The following CNTNAP2 variants were observed in gnomAD, a reference collection of about 807,000 sequenced individuals.
CNTNAP2 encodes the protein contactin associated protein 2.
CNTNAP2 carries 98 observed loss-of-function variants against 155.2 expected under a neutral mutation model. The ratio of observed to expected loss-of-function variants is 0.63; its 90% CI spans 0.54 to 0.75. The LOEUF (loss-of-function observed/expected upper bound fraction) is 0.75, where lower values mean the gene tolerates loss of function less well. Among genes scored for constraint, CNTNAP2 ranks in the 30% least tolerant of loss-of-function variants. CNTNAP2 has a pLI of 0.00. For missense variants in CNTNAP2, 1,727 were observed against 1,688.1 expected (o/e 1.02, Z -0.40); for synonymous variants, 651 against 631.2 (o/e 1.03, Z -0.47).
intron 8 of CNTNAP2, among the ~76,000 whole-genome samples, chr7:147,249,759 C>A (rs1285229422): frequency 6.6e-6 from 1 of 151,988 alleles, no homozygotes; most frequent in Non-Finnish European, 1.5e-5. Flanking sequence ...TGATTGAGTC[C>A]AGTTGTGATA....
intron 3 of CNTNAP2, 56 bp downstream of exon 3, chr7:146,839,960 T>C (rs1174102805): frequency 2.5e-6 from 4 of 1,578,788 alleles, no homozygotes; most frequent in East Asian, 2.2e-5. Flanking sequence ...TATTAGAAAA[T>C]GGTACAGGAT....
At chr7:146,318,789 C>T (rs1163607672) in intron 1 of CNTNAP2, among the ~76,000 whole-genome samples, 2 of 151,978 alleles carry the variant, frequency 1.3e-5, no homozygotes, top group Non-Finnish European at 2.9e-5. Flanking sequence ...TACCTGAATA[C>T]TTAAATATGT....
chr7:146,927,691 C>G (rs963922506), intron 3 of CNTNAP2, among the ~76,000 whole-genome samples: 1 of 151,938 alleles, frequency 6.6e-6, no homozygotes, highest in East Asian at 1.9e-4. Flanking sequence ...AATATCTATG[C>G]TAAAAACATC....
intron 4 of CNTNAP2, among the ~76,000 whole-genome samples, chr7:147,084,000 T>TAC (rs1269157659): frequency 7.6e-6 from 1 of 131,196 alleles, no homozygotes; most frequent in African/African-American, 2.7e-5. Flanking sequence ...ATATAATACA[T>TAC]ATATACATAA....
intron 3 of CNTNAP2, among the ~76,000 whole-genome samples, chr7:146,849,762 C>G (rs984723911): frequency 6.6e-6 from 1 of 152,056 alleles, no homozygotes; most frequent in Non-Finnish European, 1.5e-5. Context: ...AGTATTATTA[C>G]GAATGCTATC....
chr7:146,471,731 C>G (rs1336796007), intron 1 of CNTNAP2, among the ~76,000 whole-genome samples: 1 of 152,200 alleles, frequency 6.6e-6, no homozygotes, highest in Non-Finnish European at 1.5e-5. Flanking sequence ...TTAATGATAA[C>G]TATTCAGATA....
chr7:148,075,333 T>C (rs1364106162), intron 15 of CNTNAP2, among the ~76,000 whole-genome samples: 1 of 151,884 alleles, frequency 6.6e-6, no homozygotes, highest in Admixed American at 6.6e-5. Flanking sequence ...GCTCCTCAGA[T>C]GGCTGAGGCA....
intron 8 of CNTNAP2, among the ~76,000 whole-genome samples, chr7:147,245,420 T>C (rs929169653): frequency 3.3e-5 from 5 of 151,982 alleles, no homozygotes; most frequent in African/African-American, 1.2e-4. Flanking sequence ...CACCTCAGCC[T>C]CCACAGAGCA....
At chr7:148,407,484 G>A (rs1250946370) in intron 22 of CNTNAP2, among the ~76,000 whole-genome samples, 1 of 152,048 alleles carries the variant, frequency 6.6e-6, no homozygotes, top group African/African-American at 2.4e-5. Context: ...TGGGAGGATC[G>A]TTTGAGCCCA....
At chr7:146,904,496 G>C (rs149816921) in intron 3 of CNTNAP2, among the ~76,000 whole-genome samples, 3,142 of 152,236 alleles carry the variant, frequency 0.021, 83 homozygotes, top group African/African-American at 0.069. Context: ...GTTTGAGACA[G>C]AGTCTTGCTC....
At chr7:146,184,676 T>C (rs1012199150) in intron 1 of CNTNAP2, among the ~76,000 whole-genome samples, 20 of 152,178 alleles carry the variant, frequency 1.3e-4, no homozygotes, top group African/African-American at 4.6e-4. Context: ...TCATGAAGGA[T>C]GGTTGGAGTT....
intron 1 of CNTNAP2, among the ~76,000 whole-genome samples, chr7:146,247,077 G>C (rs1799672385): frequency 6.6e-6 from 1 of 152,138 alleles, no homozygotes; most frequent in Non-Finnish European, 1.5e-5. Context: ...AGCAGACTGG[G>C]TAATAAAATG....
In CNTNAP2 at chr7:147,220,861, T is replaced by C. The variant is rs181683108; in HGVS notation, c.1349-79280T>C. ...CCCGAGTAGCTGGGATTATAGGCATTCATCACCATGTCTGACTAATTTTTG... is the reference window on the plus strand; with the variant it reads ...CCCGAGTAGCTGGGATTATAGGCATCCATCACCATGTCTGACTAATTTTTG... On this transcript the variant is annotated intron_variant, in intron 8 of 23. Coordinates refer to ENST00000361727, the MANE Select transcript of CNTNAP2 (RefSeq NM_014141.6). Among the ~76,000 whole-genome samples, 399 of 152,050 alleles carry C rather than the reference T, an allele frequency of 2.6e-3. 1 individual carries two copies. The highest frequency in any genetic ancestry group is 9.0e-3 in the African/African-American group (374 of 41,500).
chr7:147,255,772 C>T (rs182174033), intron 8 of CNTNAP2, among the ~76,000 whole-genome samples: 47 of 152,156 alleles, frequency 3.1e-4, no homozygotes, highest in Non-Finnish European at 5.1e-4. Context: ...ATTGAGCCTT[C>T]GTCACCCAGG....
rs897625848 is a variant in CNTNAP2, at chr7:147,167,547, A to G, written c.1348+35038A>G. On this transcript the variant is annotated intron_variant, in intron 8 of 23. Transcript: ENST00000361727. Reference sequence around the variant, plus strand: ...GCATGACTTAGAGGTTCTTCAGACAACTGCTCTCCCAGATGACGATGATGA... The same window carrying G: ...GCATGACTTAGAGGTTCTTCAGACAGCTGCTCTCCCAGATGACGATGATGA... 9 of 825,046 alleles carry G rather than the reference A, an allele frequency of 1.1e-5. No homozygotes were observed. The Admixed American group carries it at 1.7e-4, about 16-fold the overall frequency. 51.1% of individuals were successfully genotyped at this position (825,046 alleles called of 1,614,324 possible).
intron 13 of CNTNAP2, among the ~76,000 whole-genome samples, chr7:147,718,812 A>T (rs1204687367): frequency 6.6e-6 from 1 of 152,200 alleles, no homozygotes. Flanking sequence ...AGCCCAATGT[A>T]ATAATGGCTT....
intron 3 of CNTNAP2, among the ~76,000 whole-genome samples, chr7:146,968,832 T>G (rs1797716384): frequency 1.4e-5 from 2 of 147,618 alleles, no homozygotes; most frequent in Non-Finnish European, 3.0e-5. Flanking sequence ...CTGATTTTAG[T>G]TATTTCTTGC....
At chr7:147,069,961 A>G (rs995033705) in intron 4 of CNTNAP2, among the ~76,000 whole-genome samples, 1 of 152,214 alleles carries the variant, frequency 6.6e-6, no homozygotes, top group African/African-American at 2.4e-5. Context: ...ACAACACAGC[A>G]TAGAGGAATA....
chr7:147,232,344 T>C lies in CNTNAP2; in HGVS notation c.1349-67797T>C, dbSNP rs546634768. Among the ~76,000 whole-genome samples, 6 of 152,212 alleles carry C rather than the reference T, an allele frequency of 3.9e-5. No homozygotes were observed. In the East Asian group the frequency reaches 9.7e-4, roughly 24 times the overall value. The stretch of plus-strand genomic sequence containing the variant: ...CACAGAAATGCCACAGAAAAGACAA[T>C]CCTAAAGTTTTAATGAAACCACAAG... On this transcript the variant is annotated intron_variant, in intron 8 of 23. Transcript: ENST00000361727.
Sources: allele counts gnomAD v4.1 joint callset (sites outside exome capture counted in the v4.1 genomes callset), GRCh38; gene constraint gnomAD v4.1.1; transcripts MANE v1.5; gene names NCBI Gene and HGNC (gene_info 2026-07-23, HGNC 2026-07-21).